Variants in TMEM192 observed in about 807,000 individuals in gnomAD.
The protein encoded by TMEM192 is transmembrane protein 192.
TMEM192 carries 20 observed loss-of-function variants against 26.7 expected under a neutral mutation model. The ratio of observed to expected loss-of-function variants is 0.75; its 90% confidence interval spans 0.53 to 1.09. TMEM192 has a LOEUF of 1.09. Ranked by LOEUF, TMEM192 falls within the 50% of genes least tolerant of loss-of-function variation. The probability of loss-of-function intolerance (pLI) is 0.00; values close to 1 mark genes in which losing one functional copy is unlikely to be tolerated. For missense variants in TMEM192, 304 were observed against 322.6 expected (o/e 0.94, Z 0.44); for synonymous variants, 124 against 121.0 (o/e 1.02, Z -0.16).
intron 3 of TMEM192, 109 bp downstream of exon 3, chr4:165,100,519 T>C: frequency 7.6e-7 from 1 of 1,314,866 alleles, no homozygotes; most frequent in South Asian, 1.5e-5. Flanking sequence ...ACATCAACCT[T>C]ACAAAAATGA....
intron 5 of TMEM192, among the ~76,000 whole-genome samples, chr4:165,080,824 C>T (rs1270038535): frequency 1.3e-5 from 2 of 152,066 alleles, no homozygotes; most frequent in African/African-American, 4.8e-5. Context: ...AAGCGATTCT[C>T]CTGCCTCAGC....
rs559059300 is a variant in TMEM192 at position 165,107,728 on chromosome 4, C to T, written c.28-4632G>A. On this transcript the variant is annotated intron_variant, in intron 1 of 5. Coordinates refer to ENST00000306480, the MANE Select transcript of TMEM192 (RefSeq NM_001100389.2). ...TTTCATGAAACACTTTCCATCTCTA[C>T]ACCAGCTCTACTTATTCTTCCCCAC... 2.6e-5 allele frequency among the ~76,000 whole-genome samples: 4 copies of T among 152,274 alleles called. No homozygotes were observed. The East Asian group carries it at 5.8e-4, about 22-fold the overall frequency.
Position 165,100,638 on chromosome 4 carries a change from T to C in TMEM192, c.429A>G (p.Ile143Met), listed in dbSNP as rs1735016904. ...TRHLKRLALM[I>M]QSSGNTVLLL... The stretch of plus-strand genomic sequence containing the variant: ...GAAAATTGGACATACCAGAGGACTG[T>C]ATCATCAACGCAAGTCTCTTGAGAT... Residue 143 changes from isoleucine (I) to methionine (M), a missense_variant, in exon 3 of 6, where the codon ATA becomes ATG. By Grantham distance (10) the Ile-to-Met change is conservative. Coordinates refer to ENST00000306480, the MANE Select transcript of TMEM192 (RefSeq NM_001100389.2). 1 of 1,614,180 alleles carries C rather than the reference T, an allele frequency of 6.2e-7. No individual in the cohort carries two copies. The highest frequency in any genetic ancestry group is 8.5e-7 in the Non-Finnish European group (1 of 1,180,020).
rs919269974 is a variant in TMEM192 at position 165,103,048 on chromosome 4, C to T, written c.76G>A (p.Ala26Thr). ...AATGAGTGGTGTGGGAGAAGCTGGGCATCCAGAAGTGGGTCGTCTTCAATA... is the reference window on the plus strand; with the variant it reads ...AATGAGTGGTGTGGGAGAAGCTGGGTATCCAGAAGTGGGTCGTCTTCAATA... ...QSIEDDPLLDAQLLPHHSLQA... is the reference protein window; with the variant it reads ...QSIEDDPLLDTQLLPHHSLQA... The change falls in exon 2 of 6, where the codon GCC becomes ACC. Residue 26 changes from alanine to threonine, a missense_variant. By Grantham distance (58) the Ala-to-Thr change is moderately conservative. Transcript: ENST00000306480. 8 of 1,613,218 alleles carry T rather than the reference C, an allele frequency of 5.0e-6. No homozygotes were observed. The highest frequency in any genetic ancestry group is 1.7e-5 in the Admixed American group (1 of 59,852).
chr4:165,088,485 C>T lies in TMEM192; in HGVS notation c.557G>A (p.Cys186Tyr), dbSNP rs201435728. The change falls in exon 4 of 6, where the codon TGT becomes TAT. Residue 186 changes from cysteine (C) to tyrosine (Y), a missense_variant. Physicochemically the swap from Cys to Tyr is radical, Grantham distance 194 (BLOSUM62 -2). Transcript: ENST00000306480. ...LALELICSLICLLIYTVKIRR... is the reference protein window; with the variant it reads ...LALELICSLIYLLIYTVKIRR... ...ATTCTCACCTGTGTAAATGAGGAGA[C>T]ATATCAGGGAACAGATGAGTTCCAG... The T allele has an allele frequency of 3.7e-6, 6 of 1,613,240 alleles. No homozygotes were observed. The highest frequency in any genetic ancestry group is 5.1e-6 in the Non-Finnish European group (6 of 1,179,676).
At chr4:165,084,010 TG>T (rs1456916467) in intron 5 of TMEM192, among the ~76,000 whole-genome samples, 3 of 151,852 alleles carry the variant, frequency 2.0e-5, no homozygotes, top group African/African-American at 7.3e-5. Context: ...TTAGTAGAGA[TG>T]GGGTTTCACC....
intron 3 of TMEM192, among the ~76,000 whole-genome samples, chr4:165,093,443 A>G (rs184954071): frequency 6.6e-6 from 1 of 152,100 alleles, no homozygotes; most frequent in South Asian, 2.1e-4. Flanking sequence ...AGGAAAAAAA[A>G]CTTCTGCAGA....
chr4:165,103,592 G>A (rs947300489), intron 1 of TMEM192, among the ~76,000 whole-genome samples: 20 of 144,096 alleles, frequency 1.4e-4, no homozygotes, highest in South Asian at 4.5e-4. Flanking sequence ...TTGGCTCGCC[G>A]AAACCTCCAC....
chr4:165,084,089 A>G (rs896462950), intron 5 of TMEM192, among the ~76,000 whole-genome samples: 1 of 151,796 alleles, frequency 6.6e-6, no homozygotes, highest in Admixed American at 6.6e-5. Flanking sequence ...TAAAAGTGCT[A>G]GGATTACAGG....
intron 5 of TMEM192, among the ~76,000 whole-genome samples, chr4:165,081,235 CTT>C (rs35079183): frequency 6.9e-6 from 1 of 145,018 alleles, no homozygotes; most frequent in Non-Finnish European, 1.5e-5. Flanking sequence ...ACCTCCCACT[CTT>C]TTTTTTTTTT....
At chr4:165,093,093 T>C (rs1734806421) in intron 3 of TMEM192, among the ~76,000 whole-genome samples, 2 of 81,204 alleles carry the variant, frequency 2.5e-5, no homozygotes, top group South Asian at 5.7e-4. Flanking sequence ...GGTTTTTTTT[T>C]CTTCTTTTTT....
chr4:165,111,131 G>A (rs192150391), intron 1 of TMEM192, among the ~76,000 whole-genome samples: 26 of 152,020 alleles, frequency 1.7e-4, no homozygotes, highest in Admixed American at 1.2e-3. Context: ...TCGCTCTGTC[G>A]CTCTGTTGCC....
rs552476947 is a variant in TMEM192, at chr4:165,072,257, A to C, written c.*7401T>G. 1 of 150,848 alleles carries C rather than the reference A, an allele frequency of 6.6e-6. No individual in the cohort carries two copies. Among genetic ancestry groups the C allele is most frequent in the South Asian group, 2.1e-4 (1 of 4,740 alleles). The allele number at this position is 150,848 out of a possible 1,614,324, so 9.3% of individuals were successfully genotyped here. On this transcript the variant is annotated 3_prime_UTR_variant, in exon 6 of 6. Coordinates refer to ENST00000306480, the MANE Select transcript of TMEM192 (RefSeq NM_001100389.2). ...AGAAAGAAAGAAAAAGAAAAAGAAA[A>C]ACACTATTATAATAGGGCCAGGCAC...
rs746689799 is a variant in TMEM192 at position 165,085,575 on chromosome 4, C to T, written c.677+11G>A. ...AAAAACTCAATTATTTTATTCTCAC[C>T]TAAATCTTACCTGAATCCAGTCTCC... On this transcript the variant is annotated intron_variant, in intron 5 of 5. Transcript: ENST00000306480. 1 of 1,580,240 alleles carries T rather than the reference C, an allele frequency of 6.3e-7. No homozygotes were observed. Among genetic ancestry groups the T allele is most frequent in the East Asian group, 2.2e-5 (1 of 44,648 alleles).
chr4:165,071,095 A>T lies in TMEM192; in HGVS notation c.*8563T>A, dbSNP rs1399054943. On this transcript the variant is annotated 3_prime_UTR_variant, in exon 6 of 6. Coordinates refer to ENST00000306480, the MANE Select transcript of TMEM192 (RefSeq NM_001100389.2). ...TGCCTGGAGCCACAGATAGTACTAA[A>T]CCCTACGAACACTATATTTTTTCCT... The T allele has an allele frequency of 1.3e-5, 2 of 152,146 alleles. No homozygotes were observed. The highest frequency in any genetic ancestry group is 4.8e-5 in the African/African-American group (2 of 41,434). The allele number at this position is 152,146 out of a possible 1,614,324, so 9.4% of individuals were successfully genotyped here.
At position 165,082,485 on chromosome 4, in the gene TMEM192, T is replaced by C. The variant is rs1734536526; in HGVS notation, c.678-2689A>G. On this transcript the variant is annotated intron_variant, in intron 5 of 5. Transcript: ENST00000306480. The stretch of plus-strand genomic sequence containing the variant: ...CTACCGCTCCTTCATCTGTATTCTG[T>C]AGCCCACACATTTTCAGAAATCACT... Among the ~76,000 whole-genome samples the C allele has an allele frequency of 5.1e-5, 2 of 39,468 alleles. 1 individual carries two copies. The highest frequency in any genetic ancestry group is 9.1e-5 in the African/African-American group (2 of 21,984). The allele number at this position is 39,468 out of a possible 152,430, so 25.9% of individuals were successfully genotyped here.
intron 1 of TMEM192, among the ~76,000 whole-genome samples, chr4:165,106,834 G>A (rs1464085053): frequency 6.6e-6 from 1 of 152,074 alleles, no homozygotes; most frequent in East Asian, 1.9e-4. Context: ...CCTATCATGG[G>A]ACTTCACTGT....
Position 165,072,098 on chromosome 4 carries a change from C to T in TMEM192, c.*7560G>A, listed in dbSNP as rs1008203573. On this transcript the variant is annotated 3_prime_UTR_variant, in exon 6 of 6. Coordinates refer to ENST00000306480, the MANE Select transcript of TMEM192 (RefSeq NM_001100389.2). ...TCTACTAAAAATAAAAAAAGCACACCTATAATCCCAGCTACTCAGGAGGCT... is the reference window on the plus strand; with the variant it reads ...TCTACTAAAAATAAAAAAAGCACACTTATAATCCCAGCTACTCAGGAGGCT... The T allele has an allele frequency of 6.6e-6, 1 of 151,962 alleles. No individual in the cohort carries two copies. The highest frequency in any genetic ancestry group is 2.4e-5 in the African/African-American group (1 of 41,298). The allele number at this position is 151,962 out of a possible 1,614,324, so 9.4% of individuals were successfully genotyped here. A position where few individuals can be genotyped will look rare whatever the true frequency, so the allele number is the denominator to read the frequency against.
At chr4:165,089,156 G>C (rs556881234) in intron 3 of TMEM192, among the ~76,000 whole-genome samples, 1 of 151,298 alleles carries the variant, frequency 6.6e-6, no homozygotes, top group East Asian at 2.0e-4. Context: ...AGTGGACAAA[G>C]TATGATCTAC....
Sources: allele counts gnomAD v4.1 joint callset (sites outside exome capture counted in the v4.1 genomes callset), GRCh38; gene constraint gnomAD v4.1.1; transcripts MANE v1.5; gene names NCBI Gene and HGNC (gene_info 2026-07-23, HGNC 2026-07-21).